The following CLEC4A variants were observed in gnomAD, a reference collection of about 807,000 sequenced individuals.
CLEC4A encodes the protein C-type lectin domain family 4 member A.
Under a neutral mutation model 32.7 loss-of-function variants are expected in CLEC4A, and 27 were observed. The ratio of observed to expected loss-of-function variants is 0.83; its 90% CI spans 0.61 to 1.14. The LOEUF (loss-of-function observed/expected upper bound fraction) is 1.14, where lower values mean the gene tolerates loss of function less well. CLEC4A is among the 50% of genes most tolerant of loss of function. CLEC4A has a pLI of 0.00. For synonymous variants in CLEC4A, 89 were observed against 93.7 expected (o/e 0.95, Z 0.29); for missense variants, 253 against 274.6 (o/e 0.92, Z 0.55).
chr12:8,133,820 A>G lies in CLEC4A; in HGVS notation c.299-1765A>G, dbSNP rs1948041956. 7.6e-6 allele frequency: 12 copies of G among 1,586,508 alleles called. No individual in the cohort carries two copies. The South Asian group carries it at 1.4e-4, about 18-fold the overall frequency. On this transcript the variant is annotated intron_variant, in intron 3 of 5. Coordinates refer to ENST00000229332, the MANE Select transcript of CLEC4A (RefSeq NM_016184.4). ...CAGAGTGGTGACGGAGACAGGGGGA[A>G]AGGCTTCCCCCTCAGGGAAAGGGAC...
the CLEC4A span, among the ~76,000 whole-genome samples, chr12:8,104,068 T>C: frequency 6.6e-6 from 1 of 152,240 alleles, no homozygotes; most frequent in Non-Finnish European, 1.5e-5. Context: ...AGTTGGTAAG[T>C]TGAGTGTTTT....
chr12:8,110,944 G>C, the CLEC4A span, among the ~76,000 whole-genome samples: 1 of 151,098 alleles, frequency 6.6e-6, no homozygotes, highest in Non-Finnish European at 1.5e-5. Flanking sequence ...TGTGATCTCC[G>C]CTCACTACAA....
rs1363661764 is a variant in CLEC4A at position 8,138,275 on chromosome 12, G to T, written c.702G>T (p.Lys234Asn). The T allele has an allele frequency of 6.2e-7, 1 of 1,613,996 alleles. No homozygotes were observed. Among genetic ancestry groups the T allele is most frequent in the African/African-American group, 1.3e-5 (1 of 74,920 alleles). The stretch of plus-strand genomic sequence containing the variant: ...AAAGGTCAGTTTGTGAGATGATGAA[G>T]ATCCACTTATGAACTGAACATTCTC... ...GPQRSVCEMM[K>N]IHL Residue 234 changes from lysine to asparagine, a missense_variant, in exon 6 of 6, where the codon AAG becomes AAT. Physicochemically the swap from Lys to Asn is moderately conservative, Grantham distance 94 (BLOSUM62 0). Transcript: ENST00000229332.
the CLEC4A span, among the ~76,000 whole-genome samples, chr12:8,111,090 G>T: frequency 6.6e-6 from 1 of 151,622 alleles, no homozygotes; most frequent in East Asian, 1.9e-4. Context: ...AGCCAGGATG[G>T]TCTCTATCTC....
At chr12:8,108,370 A>G in the CLEC4A span, among the ~76,000 whole-genome samples, 1 of 152,200 alleles carries the variant, frequency 6.6e-6, no homozygotes, top group Non-Finnish European at 1.5e-5. Flanking sequence ...TCTCATTTTA[A>G]TTATAAGTGG....
At position 8,138,240 on chromosome 12, in the gene CLEC4A, C is replaced by G. The variant is rs796843009; in HGVS notation, c.667C>G (p.Leu223Val). The G allele has an allele frequency of 3.7e-6, 6 of 1,614,136 alleles. No individual in the cohort carries two copies. The East Asian group carries it at 1.3e-4, about 36-fold the overall frequency. The change falls in exon 6 of 6, where the codon CTT (leucine) becomes GTT (valine). Residue 223 changes from leucine (L) to valine (V), a missense_variant. By Grantham distance (32) the Leu-to-Val change is conservative. Transcript: ENST00000229332. ...ATGGGGCTGGAATGATGTTAATTGT[C>G]TTGGTCCTCAAAGGTCAGTTTGTGA... ...KRWGWNDVNC[L>V]GPQRSVCEMM...
At chr12:8,117,509 G>T in the CLEC4A span, among the ~76,000 whole-genome samples, 1 of 151,992 alleles carries the variant, frequency 6.6e-6, no homozygotes, top group South Asian at 2.1e-4. Flanking sequence ...AAGGTGCTGG[G>T]ATTACAGGTG....
At chr12:8,134,974 T>TTTTTTTTC (rs1194837607) in intron 3 of CLEC4A, 3,057 of 199,902 alleles carry the variant, frequency 0.015, 329 homozygotes, top group Admixed American at 0.02. Flanking sequence ...TGTTGAAGCG[T>TTTTTTTTC]TTTTGTTTTT....
chr12:8,123,551 GTTC>G (rs771240124), upstream of CLEC4A: 10 of 207,596 alleles, frequency 4.8e-5, no homozygotes, highest in Admixed American at 1.2e-4. Context: ...TAAGTGCTTG[GTTC>G]TTCTTTTATT....
intron 1 of CLEC4A, among the ~76,000 whole-genome samples, chr12:8,124,188 T>C (rs1947865308): frequency 6.6e-6 from 1 of 152,198 alleles, no homozygotes; most frequent in Non-Finnish European, 1.5e-5. Flanking sequence ...TCCACTCTGC[T>C]TACTGAAACA....
At chr12:8,127,448 A>G (rs1947921247) in intron 2 of CLEC4A, among the ~76,000 whole-genome samples, 1 of 152,230 alleles carries the variant, frequency 6.6e-6, no homozygotes, top group African/African-American at 2.4e-5. Flanking sequence ...AGAAGCTGCA[A>G]AATCACATTG....
At chr12:8,128,536 G>A (rs894788955) in intron 2 of CLEC4A, among the ~76,000 whole-genome samples, 5 of 151,640 alleles carry the variant, frequency 3.3e-5, no homozygotes, top group Admixed American at 2.0e-4. Flanking sequence ...TCAGCTTCCC[G>A]AGTAGCTGGG....
chr12:8,104,585 C>T, the CLEC4A span, among the ~76,000 whole-genome samples: 2 of 152,080 alleles, frequency 1.3e-5, no homozygotes, highest in African/African-American at 4.8e-5. Flanking sequence ...TTTTAAAAAA[C>T]TTCTATTTTA....
intron 2 of CLEC4A, among the ~76,000 whole-genome samples, chr12:8,126,234 T>C (rs1196644463): frequency 6.6e-6 from 1 of 152,166 alleles, no homozygotes; most frequent in Non-Finnish European, 1.5e-5. Context: ...TTATTCCCCC[T>C]GGTTCTGTCA....
the CLEC4A span, among the ~76,000 whole-genome samples, chr12:8,111,484 A>ATATTGCGTGATGCTGAAGTTT: frequency 6.6e-6 from 1 of 152,284 alleles, no homozygotes; most frequent in East Asian, 1.9e-4. Flanking sequence ...CTGGCCTTCT[A>ATATTGCGTGATGCTGAAGTTT]GACATTTTTT....
the CLEC4A span, among the ~76,000 whole-genome samples, chr12:8,104,494 T>C: frequency 4.6e-5 from 7 of 152,314 alleles, no homozygotes; most frequent in Non-Finnish European, 2.9e-5. Context: ...ACAGGACAGT[T>C]GATTCTCTTC....
At chr12:8,134,101 C>G in intron 3 of CLEC4A, 1 of 1,591,578 alleles carries the variant, frequency 6.3e-7, no homozygotes, top group South Asian at 1.1e-5. Context: ...GTTTCGGGCA[C>G]CGCAGGAACA....
At chr12:8,135,525 A>G (rs899464068) in intron 3 of CLEC4A, 60 bp from the exon 4 acceptor site, 13 of 1,551,942 alleles carry the variant, frequency 8.4e-6, no homozygotes, top group East Asian at 2.3e-5. Context: ...TTTTAATAAT[A>G]CACACACTTT....
At chr12:8,107,983 G>T in the CLEC4A span, among the ~76,000 whole-genome samples, 23 of 152,198 alleles carry the variant, frequency 1.5e-4, no homozygotes, top group African/African-American at 5.5e-4. Flanking sequence ...GTGTTAGGTT[G>T]TTAATTTGAG....
Sources: gnomAD v4.1 joint callset for allele counts (sites outside exome capture counted in the v4.1 genomes callset) on GRCh38, gnomAD v4.1.1 for gene constraint, MANE v1.5 for transcripts, NCBI Gene and HGNC (gene_info 2026-07-23, HGNC 2026-07-21) for gene names.